Variants in SLC38A4 observed in about 807,000 individuals in gnomAD.
SLC38A4 encodes sodium-coupled neutral amino acid transporter 4.
In SLC38A4, 20 loss-of-function variants were observed where a neutral mutation model predicts 63.1. That is an observed-to-expected ratio of 0.32 (90% confidence interval 0.22 to 0.46). The LOEUF is 0.46. Ranked by LOEUF, SLC38A4 falls within the 20% of genes least tolerant of loss-of-function variation. SLC38A4 has a pLI of 1.00. For missense variants in SLC38A4, 526 were observed against 663.6 expected, an observed-to-expected ratio of 0.79 and a Z score of 2.28; for synonymous variants, 230 against 225.5, an observed-to-expected ratio of 1.02 and a Z score of -0.18.
intron 7 of SLC38A4, among the ~76,000 whole-genome samples, chr12:46,781,535 G>C (rs1368663771): frequency 6.6e-6 from 1 of 152,052 alleles, no homozygotes; most frequent in African/African-American, 2.4e-5. Context: ...AACATCTGCA[G>C]TAAATGTTAA....
intron 1 of SLC38A4, among the ~76,000 whole-genome samples, chr12:46,807,633 G>T (rs1416402236): frequency 6.6e-6 from 1 of 151,470 alleles, no homozygotes. Flanking sequence ...ATAGATACTT[G>T]CAAAAAAAGA....
chr12:46,794,604 CTT>C (rs1388047952), intron 2 of SLC38A4, among the ~76,000 whole-genome samples: 3 of 150,968 alleles, frequency 2.0e-5, no homozygotes, highest in Admixed American at 6.6e-5. Flanking sequence ...TGAAGGAAGA[CTT>C]ATAAAATTGA....
At chr12:46,768,136 T>A (rs1001991051) in intron 16 of SLC38A4, among the ~76,000 whole-genome samples, 174 bp downstream of exon 16, 1 of 152,138 alleles carries the variant, frequency 6.6e-6, no homozygotes, top group East Asian at 1.9e-4. Flanking sequence ...TGAAGTAGAA[T>A]CATTTGAGTT....
intron 2 of SLC38A4, among the ~76,000 whole-genome samples, chr12:46,798,844 T>C (rs1235012387): frequency 6.6e-6 from 1 of 152,120 alleles, no homozygotes; most frequent in Non-Finnish European, 1.5e-5. Context: ...AGGCACCAAG[T>C]TGAGTGGCCT....
intron 1 of SLC38A4, among the ~76,000 whole-genome samples, chr12:46,809,847 C>T (rs764903674): frequency 3.3e-5 from 5 of 151,826 alleles, no homozygotes; most frequent in African/African-American, 9.7e-5. Flanking sequence ...TTTAGATGGC[C>T]GATTTGCAGT....
rs189669525 is a variant in SLC38A4, at chr12:46,778,619, C to A, written c.875G>T (p.Arg292Leu). The A allele has an allele frequency of 1.6e-4, 263 of 1,612,986 alleles. No homozygotes were observed. In the East Asian group the frequency reaches 3.3e-3, roughly 21 times the overall value. ...DVNFMMDYTHRNPAGLDENQA... is the reference protein window; with the variant it reads ...DVNFMMDYTHLNPAGLDENQA... ...GTTCTCATCCAGCCCTGCAGGATTG[C>A]GGTGGGTGTAATCCATCATGAAGTT... is the stretch of plus-strand genomic sequence containing the variant. The change falls in exon 11 of 17, where the codon CGC becomes CTC. Residue 292 changes from arginine to leucine, a missense_variant. Arg to Leu is a moderately radical substitution (Grantham distance 102). Transcript: ENST00000266579.
At position 46,797,819 on chromosome 12, in the gene SLC38A4, G is replaced by A. The variant is rs185163044; in HGVS notation, c.-112-4636C>T. ...ATCTCAAAGGCAGTTTAAATTCAAT[G>A]TGTTCAAAGTCTAACTTGTGATAGG... is the stretch of plus-strand genomic sequence containing the variant. On this transcript the variant is annotated intron_variant, in intron 2 of 16. Transcript: ENST00000266579. Among the ~76,000 whole-genome samples, 38 of 152,196 alleles carry A rather than the reference G, an allele frequency of 2.5e-4. 2 individuals carry two copies. Among genetic ancestry groups the A allele is most frequent in the Admixed American group, 1.8e-3 (27 of 15,264 alleles).
chr12:46,769,380 A>G lies in SLC38A4; in HGVS notation c.1348T>C (p.Trp450Arg), dbSNP rs2120737111. ...TLLFPKRPFS[W>R]IRHFLIAAVL... Reference sequence around the variant, plus strand: ...GCTGCAATCAGGAAATGTCGTATCCAGCTGAAGGGTCGTTTGGGAAATAAC... The same window carrying G: ...GCTGCAATCAGGAAATGTCGTATCCGGCTGAAGGGTCGTTTGGGAAATAAC... The change falls in exon 15 of 17, where the codon TGG becomes CGG. Residue 450 changes from tryptophan to arginine, a missense_variant. By Grantham distance (101) the Trp-to-Arg change is moderately radical. Transcript: ENST00000266579. 6.2e-7 allele frequency: 1 copy of G among 1,613,526 alleles called. No individual in the cohort carries two copies. The highest frequency in any genetic ancestry group is 2.2e-5 in the East Asian group (1 of 44,868).
upstream of SLC38A4, among the ~76,000 whole-genome samples, chr12:46,830,957 C>T (rs1939723524): frequency 6.6e-6 from 1 of 152,248 alleles, no homozygotes; most frequent in African/African-American, 2.4e-5. Flanking sequence ...CTGCACTCCT[C>T]TGCAAATGCC....
At chr12:46,778,217 T>C (rs538440707) in intron 12 of SLC38A4, 72 bp downstream of exon 12, 1 of 1,428,524 alleles carries the variant, frequency 7.0e-7, no homozygotes, top group South Asian at 1.2e-5. Context: ...CTGTGTTTCC[T>C]GTTAAAGAAT....
intron 1 of SLC38A4, among the ~76,000 whole-genome samples, chr12:46,807,899 C>A (rs906637757): frequency 1.3e-5 from 2 of 148,902 alleles, no homozygotes; most frequent in Non-Finnish European, 3.0e-5. Flanking sequence ...ACCCCCCCCC[C>A]CAAAGCCACA....
intron 2 of SLC38A4, among the ~76,000 whole-genome samples, chr12:46,799,125 T>C (rs1939076651): frequency 6.6e-6 from 1 of 152,120 alleles, no homozygotes. Context: ...CTTCCAGTAA[T>C]CAGAATTGAA....
chr12:46,779,542 G>T (rs1427463306), intron 10 of SLC38A4, 69 bp downstream of exon 10: 12 of 1,191,712 alleles, frequency 1.0e-5, no homozygotes, highest in Non-Finnish European at 2.4e-6. Context: ...ACAAAATGAG[G>T]ACACTAATTT....
upstream of SLC38A4, among the ~76,000 whole-genome samples, chr12:46,829,810 T>G (rs1307275596): frequency 6.6e-6 from 1 of 152,250 alleles, no homozygotes; most frequent in Non-Finnish European, 1.5e-5. Flanking sequence ...AAAGAATTGT[T>G]CATTTACGTT....
intron 1 of SLC38A4, among the ~76,000 whole-genome samples, chr12:46,824,004 CT>C (rs1403480192): frequency 6.6e-6 from 1 of 152,234 alleles, no homozygotes; most frequent in Non-Finnish European, 1.5e-5. Context: ...CACTGACAGT[CT>C]CTGAACCTGA....
At chr12:46,802,878 A>G (rs924198482) in intron 2 of SLC38A4, among the ~76,000 whole-genome samples, 1 of 152,028 alleles carries the variant, frequency 6.6e-6, no homozygotes, top group African/African-American at 2.4e-5. Flanking sequence ...TCCACTGGGA[A>G]TTCTCCTCTG....
At position 46,778,535 on chromosome 12, in the gene SLC38A4, T is replaced by G; in HGVS notation, c.959A>C (p.Lys320Thr). 1 of 1,612,774 alleles carries G rather than the reference T, an allele frequency of 6.2e-7. No homozygotes were observed. The highest frequency in any genetic ancestry group is 8.5e-7 in the Non-Finnish European group (1 of 1,179,184). ...GAATACAAAGTATTTGGGTTCACAC[T>G]TGTCATCACTATGAGCTTCATATTC... ...GVEYEAHSDD[K>T]CEPKYFVFNS... The change falls in exon 11 of 17, where the codon AAG becomes ACG. Residue 320 changes from lysine to threonine, a missense_variant. Physicochemically the swap from Lys to Thr is moderately conservative, Grantham distance 78. Coordinates refer to ENST00000266579, the MANE Select transcript of SLC38A4 (RefSeq NM_018018.5).
chr12:46,790,490 T>C (rs965063630), intron 3 of SLC38A4, among the ~76,000 whole-genome samples: 4 of 152,148 alleles, frequency 2.6e-5, no homozygotes, highest in African/African-American at 9.7e-5. Context: ...GACTGGTACA[T>C]AATGTTCACA....
rs200607998 is a variant in SLC38A4, at chr12:46,769,384, G to A, written c.1344C>T (p.Phe448=). The A allele has an allele frequency of 4.3e-6, 7 of 1,613,502 alleles. No individual in the cohort carries two copies. The highest frequency in any genetic ancestry group is 5.9e-6 in the Non-Finnish European group (7 of 1,179,560). Residue 448 remains phenylalanine (F), a synonymous_variant, in exon 15 of 17, where the codon TTC becomes TTT. Transcript: ENST00000266579. ...VITLLFPKRP[F]SWIRHFLIAA... is the part of the protein sequence containing the mutation. ...CAATCAGGAAATGTCGTATCCAGCT[G>A]AAGGGTCGTTTGGGAAATAACAGTG...
Sources: gnomAD v4.1 joint callset for allele counts (sites outside exome capture counted in the v4.1 genomes callset) on GRCh38, gnomAD v4.1.1 for gene constraint, MANE v1.5 for transcripts, NCBI Gene and HGNC (gene_info 2026-07-23, HGNC 2026-07-21) for gene names.